CXADR: variants seen among roughly 807,000 people sequenced by gnomAD.
CXADR encodes the protein coxsackievirus and adenovirus receptor.
A neutral mutation model predicts 40.3 loss-of-function variants in CXADR; 20 were observed. That is an observed-to-expected ratio of 0.50 (90% CI 0.35 to 0.72). CXADR has a LOEUF of 0.72. CXADR is among the 30% of genes least tolerant of loss of function. The pLI is 0.01. For missense variants in CXADR, 332 were observed against 449.1 expected (o/e 0.74, Z 2.36); for synonymous variants, 150 against 161.3 (o/e 0.93, Z 0.53).
intron 1 of CXADR, among the ~76,000 whole-genome samples, chr21:17,525,012 CTT>C (rs2060581674): frequency 6.6e-6 from 1 of 152,030 alleles, no homozygotes; most frequent in East Asian, 1.9e-4. Flanking sequence ...GAAGAAAAGA[CTT>C]TCTTGATCTA....
At chr21:17,521,984 G>A (rs912039891) in intron 1 of CXADR, among the ~76,000 whole-genome samples, 4 of 151,828 alleles carry the variant, frequency 2.6e-5, no homozygotes. Flanking sequence ...TATTCCTTCG[G>A]TACTGTTGTC....
intron 6 of CXADR, among the ~76,000 whole-genome samples, chr21:17,562,134 C>A (rs1000022334): frequency 2.6e-5 from 3 of 116,178 alleles, no homozygotes; most frequent in African/African-American, 9.9e-5. Flanking sequence ...TGTAAAAAAA[C>A]AGTGTAGATA....
intron 7 of CXADR, among the ~76,000 whole-genome samples, chr21:17,581,657 C>T (rs1369416194): frequency 0.015 from 1 of 66 alleles, no homozygotes; most frequent in Non-Finnish European, 0.038. Context: ...CAGCCAGGGC[C>T]AACATAGTTG....
At position 17,569,103 on chromosome 21, in the gene CXADR, A is replaced by C; in HGVS notation, c.*3411A>C. 1.0e-6 allele frequency: 1 copy of C among 985,414 alleles called. No homozygotes were observed. Among genetic ancestry groups the C allele is most frequent in the Non-Finnish European group, 1.2e-6 (1 of 829,930 alleles). 61.0% of individuals were successfully genotyped at this position (985,414 alleles called of 1,614,324 possible). A position where few individuals can be genotyped will look rare whatever the true frequency, so the allele number is the denominator to read the frequency against. ...ACTCATTGCATGAAGTTGACTATCA[A>C]ATTCTGTGATGTGTGGCTTCTTAAA... is the stretch of plus-strand genomic sequence containing the variant. On this transcript the variant is annotated 3_prime_UTR_variant, in exon 7 of 7. Transcript: ENST00000284878.
chr21:17,599,546 C>T, the CXADR span, among the ~76,000 whole-genome samples: 1 of 148,612 alleles, frequency 6.7e-6, no homozygotes, highest in Non-Finnish European at 1.5e-5. Context: ...GGTGCAATCT[C>T]GGCCCACTAC....
At chr21:17,578,385 C>T (rs923701645) in intron 7 of CXADR, among the ~76,000 whole-genome samples, 2 of 152,200 alleles carry the variant, frequency 1.3e-5, no homozygotes, top group African/African-American at 4.8e-5. Context: ...GGTGAAATCA[C>T]CAGGTAAGAG....
At chr21:17,555,482 CATATT>C (rs1327079474) in intron 3 of CXADR, among the ~76,000 whole-genome samples, 2 of 152,196 alleles carry the variant, frequency 1.3e-5, no homozygotes, top group South Asian at 2.1e-4. Context: ...CTTACAAAAT[CATATT>C]ATAATTATCA....
At chr21:17,551,978 C>G in intron 3 of CXADR, 25 bp downstream of exon 3, 1 of 1,545,660 alleles carries the variant, frequency 6.5e-7, no homozygotes, top group Non-Finnish European at 8.9e-7. Flanking sequence ...TTTGTGTTAA[C>G]GGGTTACTGA....
chr21:17,529,985 G>T (rs2060650303), intron 1 of CXADR, among the ~76,000 whole-genome samples: 1 of 149,382 alleles, frequency 6.7e-6, no homozygotes, highest in Non-Finnish European at 1.5e-5. Context: ...GTCTCGCTCT[G>T]TTGCTCATGC....
chr21:17,572,421 TGAG>T (rs2061285751), downstream of CXADR, among the ~76,000 whole-genome samples: 1 of 151,018 alleles, frequency 6.6e-6, no homozygotes. Context: ...GTATGTGCAG[TGAG>T]GGGAAAGGCT....
At position 17,569,650 on chromosome 21, in the gene CXADR, T is replaced by C. The variant is rs2061259199; in HGVS notation, c.*3958T>C. On this transcript the variant is annotated 3_prime_UTR_variant, in exon 7 of 7. Coordinates refer to ENST00000284878, the MANE Select transcript of CXADR (RefSeq NM_001338.5). ...TTTAGGGAAGGCTGATCATTTATCTTATAGCAGATAACCCCAGCCTCTTAT... is the reference window on the plus strand; with the variant it reads ...TTTAGGGAAGGCTGATCATTTATCTCATAGCAGATAACCCCAGCCTCTTAT... 2 of 979,172 alleles carry C rather than the reference T, an allele frequency of 2.0e-6. No homozygotes were observed. The highest frequency in any genetic ancestry group is 1.8e-5 in the African/African-American group (1 of 57,030). 60.7% of individuals were successfully genotyped at this position (979,172 alleles called of 1,614,324 possible).
chr21:17,541,274 T>C (rs2123219719), intron 1 of CXADR, among the ~76,000 whole-genome samples: 1 of 152,078 alleles, frequency 6.6e-6, no homozygotes, highest in Non-Finnish European at 1.5e-5. Context: ...ATGTTCCGGC[T>C]GGGCGCGGTG....
At chr21:17,623,089 G>A in the CXADR span, among the ~76,000 whole-genome samples, 1 of 151,950 alleles carries the variant, frequency 6.6e-6, no homozygotes, top group Admixed American at 6.6e-5. Flanking sequence ...ACATGCATGT[G>A]CCATCATGCG....
intron 1 of CXADR, among the ~76,000 whole-genome samples, chr21:17,528,789 C>G (rs2060632111): frequency 6.6e-6 from 1 of 152,140 alleles, no homozygotes; most frequent in East Asian, 1.9e-4. Context: ...TCTCATTCTG[C>G]ATCACACCTT....
At chr21:17,603,122 A>G in the CXADR span, among the ~76,000 whole-genome samples, 1 of 152,232 alleles carries the variant, frequency 6.6e-6, no homozygotes, top group African/African-American at 2.4e-5. Flanking sequence ...TGTGTTAAAT[A>G]GGAGCCAACT....
downstream of CXADR, among the ~76,000 whole-genome samples, chr21:17,594,499 G>A (rs776165689): frequency 3.8e-4 from 58 of 152,042 alleles, no homozygotes; most frequent in Non-Finnish European, 7.8e-4. Flanking sequence ...TGTAATAGGC[G>A]TATAATGTAT....
At chr21:17,518,194 A>G (rs1374565146) in intron 1 of CXADR, among the ~76,000 whole-genome samples, 2 of 152,094 alleles carry the variant, frequency 1.3e-5, no homozygotes, top group Admixed American at 6.6e-5. Flanking sequence ...CTGTTTTCCA[A>G]TTTGCTCTCC....
At chr21:17,607,734 T>TA in the CXADR span, among the ~76,000 whole-genome samples, 7 of 152,322 alleles carry the variant, frequency 4.6e-5, no homozygotes, top group African/African-American at 1.7e-4. Flanking sequence ...TATACACAAA[T>TA]AAAAGAGTAT....
downstream of CXADR, among the ~76,000 whole-genome samples, chr21:17,594,521 A>G (rs1336065723): frequency 6.6e-6 from 1 of 152,066 alleles, no homozygotes; most frequent in Non-Finnish European, 1.5e-5. Flanking sequence ...ACAGGTGACC[A>G]ATGTTTTCTG....
Sources: allele counts gnomAD v4.1 joint callset (sites outside exome capture counted in the v4.1 genomes callset), GRCh38; gene constraint gnomAD v4.1.1; transcripts MANE v1.5; gene names NCBI Gene and HGNC (gene_info 2026-07-23, HGNC 2026-07-21).